COMMD1: variants seen among roughly 807,000 people sequenced by gnomAD.
COMMD1 encodes COMM domain-containing protein 1.
In COMMD1, 10 loss-of-function variants were observed where a neutral mutation model predicts 17.2. That is an observed-to-expected ratio of 0.58 (90% CI 0.36 to 0.99). The LOEUF is 0.99. Among genes scored for constraint, COMMD1 ranks in the 50% least tolerant of loss-of-function variants. COMMD1 has a pLI of 0.01. For synonymous variants in COMMD1, 97 were observed against 91.6 expected (o/e 1.06, Z -0.34); for missense variants, 270 against 231.8 (o/e 1.17, Z -1.07).
chr2:61,998,241 GCTTT>G (rs1229834172), intron 1 of COMMD1, among the ~76,000 whole-genome samples: 1 of 147,942 alleles, frequency 6.8e-6, no homozygotes, highest in East Asian at 2.0e-4. Flanking sequence ...AGGCTGTTGT[GCTTT>G]CTTTTTTTTT....
intron 2 of COMMD1, among the ~76,000 whole-genome samples, chr2:62,087,748 AAAC>A (rs1375098262): frequency 6.6e-6 from 1 of 152,196 alleles, no homozygotes; most frequent in East Asian, 1.9e-4. Context: ...ACTCCCTCTC[AAAC>A]AACAACAAAA....
At chr2:61,914,071 C>G (rs1056386897) in intron 1 of COMMD1, among the ~76,000 whole-genome samples, 3 of 151,808 alleles carry the variant, frequency 2.0e-5, no homozygotes, top group Non-Finnish European at 1.5e-5. Context: ...ACTTGGGAGG[C>G]TGAGGCAGGA....
intron 1 of COMMD1, among the ~76,000 whole-genome samples, chr2:61,995,420 T>C (rs1029560173): frequency 2.0e-5 from 3 of 152,238 alleles, no homozygotes; most frequent in African/African-American, 7.2e-5. Context: ...TAAACTGAGC[T>C]AGTTGGCCTT....
At chr2:62,134,046 C>G (rs1673118469) in intron 2 of COMMD1, among the ~76,000 whole-genome samples, 1 of 152,144 alleles carries the variant, frequency 6.6e-6, no homozygotes, top group Non-Finnish European at 1.5e-5. Flanking sequence ...AAGTGATCCT[C>G]CTGCGTCAGC....
At chr2:62,115,856 CTTTCTTT>C (rs1468576558) in intron 2 of COMMD1, among the ~76,000 whole-genome samples, 2 of 50,320 alleles carry the variant, frequency 4.0e-5, no homozygotes, top group East Asian at 9.1e-4. Flanking sequence ...TTCTTTCTTT[CTTTCTTT>C]TTTTTTTTTT....
chr2:61,944,827 G>T (rs62149906), intron 1 of COMMD1, among the ~76,000 whole-genome samples: 2,956 of 152,262 alleles, frequency 0.019, 48 homozygotes, highest in Non-Finnish European at 0.031. Flanking sequence ...TCATTAGAAG[G>T]CTTCTCTAGA....
intron 1 of COMMD1, among the ~76,000 whole-genome samples, chr2:61,918,407 G>A (rs928304869): frequency 2.0e-5 from 3 of 152,100 alleles, no homozygotes; most frequent in Admixed American, 6.6e-5. Context: ...AACACTGGAC[G>A]TCATATGATA....
At chr2:62,025,618 A>T (rs1339249923) in intron 2 of COMMD1, among the ~76,000 whole-genome samples, 7 of 152,168 alleles carry the variant, frequency 4.6e-5, no homozygotes, top group Admixed American at 4.6e-4. Flanking sequence ...AAAAATACTA[A>T]TGTCATTTGC....
intron 2 of COMMD1, among the ~76,000 whole-genome samples, chr2:62,048,439 C>T (rs752681621): frequency 1.3e-5 from 2 of 152,036 alleles, no homozygotes; most frequent in African/African-American, 2.4e-5. Context: ...CCGCCCGCCT[C>T]GCCCTCCCAA....
intron 1 of COMMD1, among the ~76,000 whole-genome samples, chr2:61,912,143 A>G (rs994261877): frequency 7.9e-5 from 12 of 152,286 alleles, no homozygotes; most frequent in Middle Eastern, 3.4e-3. Context: ...TTTGTTAACT[A>G]TTCTACTAGA....
intron 2 of COMMD1, among the ~76,000 whole-genome samples, chr2:62,078,837 A>G (rs1671433583): frequency 6.6e-6 from 1 of 151,726 alleles, no homozygotes; most frequent in African/African-American, 2.4e-5. Context: ...AGATTGCGCC[A>G]CTGCACTCCA....
At chr2:62,028,105 T>C (rs1669815753) in intron 2 of COMMD1, among the ~76,000 whole-genome samples, 1 of 152,188 alleles carries the variant, frequency 6.6e-6, no homozygotes, top group African/African-American at 2.4e-5. Context: ...CTACTGTATT[T>C]AGGAAGAATA....
At chr2:62,082,676 A>G (rs1186429997) in intron 2 of COMMD1, among the ~76,000 whole-genome samples, 1 of 152,178 alleles carries the variant, frequency 6.6e-6, no homozygotes, top group Non-Finnish European at 1.5e-5. Context: ...CCTGACCAAC[A>G]TGGTGAAACA....
intron 2 of COMMD1, among the ~76,000 whole-genome samples, chr2:62,023,673 C>T (rs901416175): frequency 4.6e-5 from 7 of 151,990 alleles, no homozygotes; most frequent in Non-Finnish European, 8.8e-5. Context: ...TTAGTAGAGA[C>T]GGGGTTTCAC....
At chr2:62,102,402 A>G (rs1331459729) in intron 2 of COMMD1, among the ~76,000 whole-genome samples, 1 of 152,172 alleles carries the variant, frequency 6.6e-6, no homozygotes, top group African/African-American at 2.4e-5. Context: ...CAGACTTAAT[A>G]CGCACTCAAA....
intron 2 of COMMD1, among the ~76,000 whole-genome samples, chr2:62,132,344 GC>G (rs1466104691): frequency 1.3e-5 from 2 of 152,132 alleles, no homozygotes; most frequent in Non-Finnish European, 2.9e-5. Flanking sequence ...TTTTAAACAT[GC>G]CTTACTCAGT....
chr2:62,110,174 A>G (rs1206168752), intron 2 of COMMD1, among the ~76,000 whole-genome samples: 2 of 152,032 alleles, frequency 1.3e-5, no homozygotes, highest in Non-Finnish European at 2.9e-5. Flanking sequence ...TCCTGGGGTT[A>G]GTCTCCCACC....
intron 2 of COMMD1, among the ~76,000 whole-genome samples, chr2:62,038,382 C>G (rs1291572479): frequency 6.6e-6 from 1 of 152,106 alleles, no homozygotes; most frequent in Non-Finnish European, 1.5e-5. Flanking sequence ...TTAATAATAG[C>G]AGCAATACTC....
chr2:62,114,129 G>C (rs562309004), intron 2 of COMMD1, among the ~76,000 whole-genome samples: 1 of 152,278 alleles, frequency 6.6e-6, no homozygotes, highest in East Asian at 1.9e-4. Flanking sequence ...AGGAAAAACA[G>C]AAAAATGATA....
Sources: gnomAD v4.1 joint callset for allele counts (sites outside exome capture counted in the v4.1 genomes callset) on GRCh38, gnomAD v4.1.1 for gene constraint, MANE v1.5 for transcripts, NCBI Gene and HGNC (gene_info 2026-07-23, HGNC 2026-07-21) for gene names.